The following POLE2 variants were observed in gnomAD, a reference collection of about 807,000 sequenced individuals.
POLE2 encodes DNA polymerase epsilon subunit 2.
A neutral mutation model predicts 79.4 loss-of-function variants in POLE2; 56 were observed. The ratio of observed to expected loss-of-function variants is 0.71; its 90% CI spans 0.57 to 0.88. POLE2 has a LOEUF of 0.88. Ranked by LOEUF, POLE2 falls within the 40% of genes least tolerant of loss-of-function variation. The pLI is 0.00. For synonymous variants in POLE2, 212 were observed against 214.0 expected (o/e 0.99, Z 0.08); for missense variants, 598 against 638.9 (o/e 0.94, Z 0.69).
At chr14:49,678,011 T>C (rs1248470308) in intron 3 of POLE2, 2 of 161,354 alleles carry the variant, frequency 1.2e-5, no homozygotes, top group Admixed American at 1.3e-4. Context: ...TTATTTTTTT[T>C]TTTTTGAGAG....
In POLE2 at chr14:49,649,869, G is replaced by T. The variant is rs887286924; in HGVS notation, c.1497+396C>A. Among the ~76,000 whole-genome samples, 15 of 152,250 alleles carry T rather than the reference G, an allele frequency of 9.9e-5. No individual in the cohort carries two copies. In the South Asian group the frequency reaches 1.7e-3, roughly 17 times the overall value. ...ACCAATGAGGTTTCTATATTAATCA[G>T]GCTTAGATTTTTGGGACCTGTGCAA... On this transcript the variant is annotated intron_variant, in intron 17 of 18. Transcript: ENST00000216367.
At chr14:49,663,715 T>C (rs1421530535) in intron 9 of POLE2, among the ~76,000 whole-genome samples, 1 of 152,212 alleles carries the variant, frequency 6.6e-6, no homozygotes, top group East Asian at 1.9e-4. Flanking sequence ...TCACATACTA[T>C]ACAATTCACC....
At chr14:49,675,807 G>A (rs1251519184) in intron 3 of POLE2, among the ~76,000 whole-genome samples, 1 of 152,160 alleles carries the variant, frequency 6.6e-6, no homozygotes, top group African/African-American at 2.4e-5. Flanking sequence ...AGGCTGGAGT[G>A]CAGTGGCACG....
At position 49,665,117 on chromosome 14, in the gene POLE2, A is replaced by G. The variant is rs775089954; in HGVS notation, c.623T>C (p.Leu208Pro). The stretch of plus-strand genomic sequence containing the variant: ...ACAAGTGAAGGATATAGCTTTACTA[A>G]GGTCTAGTTGGACTGTTCCAGTAGG... ...EDPTGTVQLDLSKAQFHSGLY... is the reference protein window; with the variant it reads ...EDPTGTVQLDPSKAQFHSGLY... The change falls in exon 8 of 19, where the codon CTT becomes CCT. Residue 208 changes from leucine (L) to proline (P), a missense_variant. Transcript: ENST00000216367. The G allele has an allele frequency of 7.2e-7, 1 of 1,392,468 alleles. No homozygotes were observed. Among genetic ancestry groups the G allele is most frequent in the East Asian group, 2.3e-5 (1 of 44,024 alleles). The allele number at this position is 1,392,468 out of a possible 1,614,324, so 86.3% of individuals were successfully genotyped here.
At position 49,683,618 on chromosome 14, in the gene POLE2, T is replaced by C; in HGVS notation, c.144A>G (p.Ile48Met). ...AGGGTTGCTTCTCAACTGCATTAAT[T>C]ATCTTTTCCAGTTTATCTTCAAGCT... ...ELELEDKLEK[I>M]INAVEKQPLS... The change falls in exon 2 of 19, where the codon ATA becomes ATG. Residue 48 changes from isoleucine to methionine, a missense_variant. Coordinates refer to ENST00000216367, the MANE Select transcript of POLE2 (RefSeq NM_002692.4). 6.3e-7 allele frequency: 1 copy of C among 1,577,604 alleles called. No individual in the cohort carries two copies. The highest frequency in any genetic ancestry group is 1.1e-5 in the South Asian group (1 of 89,702).
chr14:49,654,578 G>T, intron 13 of POLE2: 1 of 555,236 alleles, frequency 1.8e-6, no homozygotes, highest in Non-Finnish European at 2.8e-6. Context: ...TCCAAGTATG[G>T]CTGAAATTAC....
At position 49,683,504 on chromosome 14, in the gene POLE2, A is replaced by T. The variant is rs1886887469; in HGVS notation, c.169+89T>A. On this transcript the variant is annotated intron_variant, in intron 2 of 18. Coordinates refer to ENST00000216367, the MANE Select transcript of POLE2 (RefSeq NM_002692.4). The stretch of plus-strand genomic sequence containing the variant: ...ATAACACTGGGACATCTTAATAGTG[A>T]AGCCTCAACTTCAATTTAAATCTAT... The T allele has an allele frequency of 6.2e-6, 4 of 643,558 alleles. No homozygotes were observed. In the Admixed American group the frequency reaches 8.2e-5, roughly 13 times the overall value. The allele number at this position is 643,558 out of a possible 1,614,324, so 39.9% of individuals were successfully genotyped here. A position where few individuals can be genotyped will look rare whatever the true frequency, so the allele number is the denominator to read the frequency against.
intron 2 of POLE2, chr14:49,681,734 ATTG>A (rs1275496327): frequency 1.2e-4 from 18 of 147,690 alleles, no homozygotes; most frequent in African/African-American, 4.4e-4. Context: ...AGATGGCGCC[ATTG>A]CAGTGAACCG....
intron 6 of POLE2, among the ~76,000 whole-genome samples, chr14:49,666,982 C>T (rs1209730162): frequency 2.0e-5 from 3 of 151,926 alleles, no homozygotes; most frequent in African/African-American, 2.4e-5. Context: ...AGGCGGATCA[C>T]GAGGTCAGAA....
At chr14:49,684,369 G>A (rs1295767986) in intron 1 of POLE2, among the ~76,000 whole-genome samples, 3 of 151,896 alleles carry the variant, frequency 2.0e-5, no homozygotes, top group Admixed American at 6.6e-5. Context: ...GGAGACTGAG[G>A]CAGGAGAATG....
chr14:49,662,342 G>A (rs192065779), intron 10 of POLE2, among the ~76,000 whole-genome samples: 18 of 152,368 alleles, frequency 1.2e-4, no homozygotes, highest in South Asian at 8.3e-4. Flanking sequence ...TCTGTTGCCA[G>A]GCTGGAGTAC....
At chr14:49,666,252 C>T (rs1433953294) in intron 7 of POLE2, 78 bp downstream of exon 7, 5 of 729,088 alleles carry the variant, frequency 6.9e-6, no homozygotes, top group Non-Finnish European at 1.2e-5. Flanking sequence ...TTCCTGTGCC[C>T]ACTACAAAAA....
At chr14:49,677,622 C>T in intron 3 of POLE2, 1 of 599,324 alleles carries the variant, frequency 1.7e-6, no homozygotes, top group Admixed American at 3.0e-5. Flanking sequence ...GATGAACAGA[C>T]TGATGTCTGG....
At chr14:49,668,941 C>T (rs1885681350) in intron 6 of POLE2, among the ~76,000 whole-genome samples, 1 of 152,146 alleles carries the variant, frequency 6.6e-6, no homozygotes, top group African/African-American at 2.4e-5. Flanking sequence ...GCTGGGACCA[C>T]AGGTGCACAA....
chr14:49,646,302 G>GTTTTTTTTTTTTTTTTTGTTTTT (rs1883759651), intron 18 of POLE2, among the ~76,000 whole-genome samples: 1 of 84,554 alleles, frequency 1.2e-5, no homozygotes, highest in Non-Finnish European at 2.1e-5. Flanking sequence ...TTTTTTGTTG[G>GTTTTTTTTTTTTTTTTTGTTTTT]TTTTTTTTTT....
chr14:49,646,315 T>G lies in POLE2; in HGVS notation c.1565+978A>C, dbSNP rs1352527106. On this transcript the variant is annotated intron_variant, in intron 18 of 18. Transcript: ENST00000216367. ...GTTTTTTTGTTGGTTTTTTTTTTTTTTTTTTTTTTTTTTTTTTTTTGAGAT... is the reference window on the plus strand; with the variant it reads ...GTTTTTTTGTTGGTTTTTTTTTTTTGTTTTTTTTTTTTTTTTTTTTGAGAT... 7.4e-5 allele frequency among the ~76,000 whole-genome samples: 5 copies of G among 67,826 alleles called. No individual in the cohort carries two copies. In the East Asian group the frequency reaches 1.1e-3, roughly 14 times the overall value. 44.5% of individuals were successfully genotyped at this position (67,826 alleles called of 152,430 possible).
chr14:49,680,759 T>C (rs922418969), intron 2 of POLE2, among the ~76,000 whole-genome samples: 3 of 148,432 alleles, frequency 2.0e-5, no homozygotes, highest in African/African-American at 7.3e-5. Flanking sequence ...ATCATTTTCT[T>C]TTTTTTTTTT....
In POLE2 at chr14:49,655,780, T is replaced by C; in HGVS notation, c.819A>G (p.Ala273=). Residue 273 remains alanine (A), a synonymous_variant, in exon 11 of 19, where the codon GCA becomes GCG. Coordinates refer to ENST00000216367, the MANE Select transcript of POLE2 (RefSeq NM_002692.4). ...GPSNTSVKTS[A]KLKQLEEENK... ...TCTCCTCTTCTAGCTGTTTTAGTTT[T>C]GCAGAAGTCTTCACAGATGTATTAG... The C allele has an allele frequency of 6.2e-7, 1 of 1,605,706 alleles. No individual in the cohort carries two copies. The highest frequency in any genetic ancestry group is 8.5e-7 in the Non-Finnish European group (1 of 1,173,090).
At chr14:49,687,457 T>C (rs1162609405) in intron 1 of POLE2, among the ~76,000 whole-genome samples, 3 of 151,916 alleles carry the variant, frequency 2.0e-5, no homozygotes, top group Non-Finnish European at 4.4e-5. Flanking sequence ...TTCACATAAA[T>C]TGGCAACTGC....
Sources: gnomAD v4.1 joint callset for allele counts (sites outside exome capture counted in the v4.1 genomes callset) on GRCh38, gnomAD v4.1.1 for gene constraint, MANE v1.5 for transcripts, NCBI Gene and HGNC (gene_info 2026-07-23, HGNC 2026-07-21) for gene names.